The following CHRM3 variants were observed in gnomAD, a reference collection of about 807,000 sequenced individuals.
The protein encoded by CHRM3 is cholinergic receptor muscarinic 3.
In CHRM3, 11 loss-of-function variants were observed where a neutral mutation model predicts 41.8. That is an observed-to-expected ratio of 0.26 (90% CI 0.17 to 0.44). The LOEUF (loss-of-function observed/expected upper bound fraction) is 0.44. CHRM3 is among the 20% of genes least tolerant of loss of function. CHRM3 has a pLI of 1.00. For missense variants in CHRM3, 571 were observed against 745.4 expected (o/e 0.77, Z 2.72); for synonymous variants, 297 against 301.4 (o/e 0.99, Z 0.15).
rs530114706 is a variant in CHRM3 at position 239,891,719 on chromosome 1, G to A, written c.-19-15714G>A. Among the ~76,000 whole-genome samples, 14 of 152,272 alleles carry A rather than the reference G, an allele frequency of 9.2e-5. No homozygotes were observed. In the South Asian group the frequency reaches 2.1e-3, roughly 23 times the overall value. On this transcript the variant is annotated intron_variant, in intron 6 of 6. Transcript: ENST00000676153. ...AGGTTGAGTTTCCAGCCCTCTGACT[G>A]TCAAAGGGTGAAGCAGAGGACACGA...
chr1:239,404,002 AG>A, intron 1 of CHRM3, among the ~76,000 whole-genome samples: 1 of 147,966 alleles, frequency 6.8e-6, no homozygotes, highest in Non-Finnish European at 1.5e-5. Flanking sequence ...AGAGAGAGAG[AG>A]AGAGAGAGAG....
chr1:239,806,217 C>A (rs761229143), intron 5 of CHRM3, among the ~76,000 whole-genome samples: 6 of 152,334 alleles, frequency 3.9e-5, no homozygotes, highest in Non-Finnish European at 7.4e-5. Context: ...CTCAGAATGT[C>A]TGATCTTCCA....
rs1361518188 is a variant in CHRM3 at position 239,909,686 on chromosome 1, T to G, written c.*462T>G. The stretch of plus-strand genomic sequence containing the variant: ...TTACGAATCTGTGGTTCCAAAATTA[T>G]TTCATACGTTGCAAAGCTGAATCTT... On this transcript the variant is annotated 3_prime_UTR_variant, in exon 7 of 7. Transcript: ENST00000676153. 5.9e-6 allele frequency: 1 copy of G among 169,740 alleles called. No homozygotes were observed. Among genetic ancestry groups the G allele is most frequent in the Non-Finnish European group, 1.4e-5 (1 of 70,048 alleles). 10.5% of individuals were successfully genotyped at this position (169,740 alleles called of 1,614,324 possible).
At chr1:239,559,732 G>A (rs2148483515) in intron 3 of CHRM3, among the ~76,000 whole-genome samples, 1 of 152,166 alleles carries the variant, frequency 6.6e-6, no homozygotes, top group East Asian at 1.9e-4. Flanking sequence ...ACTTGTTAAG[G>A]ATACATAGTG....
intron 5 of CHRM3, among the ~76,000 whole-genome samples, chr1:239,786,441 T>C (rs1455887003): frequency 6.6e-6 from 1 of 152,206 alleles, no homozygotes; most frequent in Non-Finnish European, 1.5e-5. Flanking sequence ...TCCCATCTTA[T>C]AGATAAGGAA....
chr1:239,472,878 CTTAAAA>C (rs1208738914), intron 1 of CHRM3, among the ~76,000 whole-genome samples: 1 of 151,982 alleles, frequency 6.6e-6, no homozygotes, highest in African/African-American at 2.4e-5. Context: ...TACCCCAGAA[CTTAAAA>C]TTAAAATTAA....
chr1:239,745,827 A>C (rs1251185926), intron 5 of CHRM3, among the ~76,000 whole-genome samples: 1 of 152,164 alleles, frequency 6.6e-6, no homozygotes, highest in Admixed American at 6.5e-5. Context: ...TTTTCTTATA[A>C]TTTTTAATAG....
intron 1 of CHRM3, among the ~76,000 whole-genome samples, chr1:239,411,440 T>C (rs1661052722): frequency 6.6e-6 from 1 of 152,008 alleles, no homozygotes; most frequent in Non-Finnish European, 1.5e-5. Context: ...AAGAAATAAG[T>C]TGTGGACCGG....
At chr1:239,456,000 A>C (rs2103355164) in intron 1 of CHRM3, among the ~76,000 whole-genome samples, 1 of 152,206 alleles carries the variant, frequency 6.6e-6, no homozygotes, top group African/African-American at 2.4e-5. Context: ...CTGTTTCCCT[A>C]AGACTAGGGG....
intron 6 of CHRM3, among the ~76,000 whole-genome samples, chr1:239,854,137 A>T (rs1674916541): frequency 6.6e-6 from 1 of 152,080 alleles, no homozygotes. Flanking sequence ...GTTCTTTAGA[A>T]TTTTGAAACT....
intron 6 of CHRM3, among the ~76,000 whole-genome samples, chr1:239,871,453 G>A (rs1214813120): frequency 6.6e-6 from 1 of 152,194 alleles, no homozygotes; most frequent in Non-Finnish European, 1.5e-5. Flanking sequence ...TGTTGGCCAG[G>A]ATGATCTCGA....
rs1237366705 is a variant in CHRM3, at chr1:239,387,236, G to T, written c.-521+9G>T. 2 of 152,042 alleles carry T rather than the reference G, an allele frequency of 1.3e-5. No individual in the cohort carries two copies. Among genetic ancestry groups the T allele is most frequent in the Non-Finnish European group, 2.9e-5 (2 of 68,010 alleles). The allele number at this position is 152,042 out of a possible 1,614,324, so 9.4% of individuals were successfully genotyped here. A position where few individuals can be genotyped will look rare whatever the true frequency, so the allele number is the denominator to read the frequency against. On this transcript the variant is annotated intron_variant, in intron 1 of 6. Coordinates refer to ENST00000676153, the MANE Select transcript of CHRM3 (RefSeq NM_001375978.1). This position sits in a 1 kb window ranked among gnomAD's most constrained non-coding sequence, Gnocchi z 5.1. The stretch of plus-strand genomic sequence containing the variant: ...TGGAGCGCAGCTGCCAGGTAGGGAC[G>T]GCGCCCGCCACCCAGGCGCTGGGCA...
Position 239,397,031 on chromosome 1 carries a change from T to C in CHRM3, c.-521+9804T>C, listed in dbSNP as rs61834671. ...TTTATTCAGCAATTTCTCTCTCTGC[T>C]CCTCAGATTGTGCTAGACTTCGGAT... On this transcript the variant is annotated intron_variant, in intron 1 of 6. Coordinates refer to ENST00000676153, the MANE Select transcript of CHRM3 (RefSeq NM_001375978.1). Among the ~76,000 whole-genome samples the C allele has an allele frequency of 1.4e-3, 207 of 152,298 alleles. 1 individual carries two copies. Among genetic ancestry groups the C allele is most frequent in the Non-Finnish European group, 2.4e-3 (162 of 68,024 alleles).
chr1:239,835,542 C>T (rs905990166), intron 6 of CHRM3, among the ~76,000 whole-genome samples: 4 of 152,034 alleles, frequency 2.6e-5, no homozygotes, highest in Non-Finnish European at 5.9e-5. Flanking sequence ...TGCAAAGACA[C>T]GCTAAGAGAT....
At chr1:239,692,179 T>A (rs1659783356) in intron 5 of CHRM3, among the ~76,000 whole-genome samples, 1 of 152,198 alleles carries the variant, frequency 6.6e-6, no homozygotes, top group African/African-American at 2.4e-5. Context: ...TTTAGGCATG[T>A]GTTTTTTGAA....
intron 6 of CHRM3, among the ~76,000 whole-genome samples, chr1:239,897,518 T>TCCTC (rs1679110732): frequency 6.6e-6 from 1 of 152,222 alleles, no homozygotes; most frequent in African/African-American, 2.4e-5. Flanking sequence ...CTGTTCTTTA[T>TCCTC]CCTCCACTAT....
chr1:239,647,302 TA>T (rs1276805051), intron 4 of CHRM3, among the ~76,000 whole-genome samples: 2 of 152,182 alleles, frequency 1.3e-5, no homozygotes, highest in African/African-American at 4.8e-5. Flanking sequence ...TTCTAGTTGA[TA>T]AGCCCTCAAG....
At chr1:239,820,151 A>G (rs1209874784) in intron 5 of CHRM3, among the ~76,000 whole-genome samples, 1 of 152,192 alleles carries the variant, frequency 6.6e-6, no homozygotes, top group East Asian at 1.9e-4. Flanking sequence ...AATAAGGCAC[A>G]TTAATGGGAA....
intron 4 of CHRM3, among the ~76,000 whole-genome samples, chr1:239,663,411 G>C (rs1673460452): frequency 6.6e-6 from 1 of 152,150 alleles, no homozygotes. Flanking sequence ...ACATCCCCTG[G>C]AGAGGGAAAG....
Sources: gnomAD v4.1 joint callset for allele counts (sites outside exome capture counted in the v4.1 genomes callset) on GRCh38, gnomAD v4.1.1 for gene constraint, Gnocchi (gnomAD v3.1) non-coding constraint, MANE v1.5 for transcripts, NCBI Gene and HGNC (gene_info 2026-07-23, HGNC 2026-07-21) for gene names.